Variants in PATJ observed in about 807,000 individuals in gnomAD.
PATJ encodes the protein PATJ crumbs cell polarity complex component, also known as inaD-like protein.
In PATJ, 190 loss-of-function variants were observed where a neutral mutation model predicts 224.9. That is an observed-to-expected ratio of 0.84 (90% CI 0.75 to 0.95). PATJ has a LOEUF of 0.95. Among genes scored for constraint, PATJ ranks in the 40% least tolerant of loss-of-function variants. The pLI is 0.00. For missense variants in PATJ, 2,121 were observed against 2,270.3 expected (o/e 0.93, Z 1.34); for synonymous variants, 769 against 820.3 (o/e 0.94, Z 1.07).
intron 37 of PATJ, among the ~76,000 whole-genome samples, chr1:62,120,624 A>T (rs1403005452): frequency 6.6e-6 from 1 of 152,190 alleles, no homozygotes; most frequent in Non-Finnish European, 1.5e-5. Context: ...ATTATTACTG[A>T]TTCTAGGAAA....
intron 29 of PATJ, among the ~76,000 whole-genome samples, chr1:62,022,553 A>G (rs1332075244): frequency 6.6e-6 from 1 of 152,326 alleles, no homozygotes; most frequent in Non-Finnish European, 1.5e-5. Flanking sequence ...GGAGAGCTGT[A>G]TTAACACAAC....
chr1:61,798,747 C>T (rs761787472), intron 11 of PATJ, among the ~76,000 whole-genome samples: 48 of 149,722 alleles, frequency 3.2e-4, no homozygotes, highest in Admixed American at 1.8e-3. Context: ...AAACATTAGC[C>T]GGGCCTGGTG....
At chr1:61,999,975 G>A (rs564716182) in intron 28 of PATJ, among the ~76,000 whole-genome samples, 8 of 152,020 alleles carry the variant, frequency 5.3e-5, no homozygotes, top group African/African-American at 1.9e-4. Context: ...CTGCCTCCCA[G>A]GTTCAAGCAA....
At chr1:61,746,028 C>T (rs1645006452) in intron 1 of PATJ, among the ~76,000 whole-genome samples, 1 of 152,060 alleles carries the variant, frequency 6.6e-6, no homozygotes, top group East Asian at 1.9e-4. Flanking sequence ...AACTTCACCT[C>T]CCTGGGTTCA....
intron 27 of PATJ, among the ~76,000 whole-genome samples, chr1:61,961,972 A>G (rs75312997): frequency 2.5e-3 from 111 of 44,390 alleles, no homozygotes; most frequent in African/African-American, 7.0e-3. Flanking sequence ...TCCGTCTTAG[A>G]AAAAAAAAAA....
chr1:62,157,701 G>A lies in PATJ; in HGVS notation c.5503-3207G>A, dbSNP rs555200259. 4.1e-5 allele frequency among the ~76,000 whole-genome samples: 6 copies of A among 147,998 alleles called. No individual in the cohort carries two copies. In the East Asian group the frequency reaches 1.2e-3, roughly 29 times the overall value. ...CAAAAATTAGCCGGGCATGGTGGCA[G>A]GTGCCTCCAATCCCAGCTACTCAGG... is the stretch of plus-strand genomic sequence containing the variant. On this transcript the variant is annotated intron_variant, in intron 43 of 43. Transcript: ENST00000642238.
chr1:61,909,956 T>C (rs2482856), intron 25 of PATJ, among the ~76,000 whole-genome samples: 115,072 of 152,130 alleles, frequency 0.76, 43,770 homozygotes, highest in East Asian at 1. Flanking sequence ...TTCTTAGCAC[T>C]ATGTTTACAT....
intron 27 of PATJ, among the ~76,000 whole-genome samples, chr1:61,964,675 A>G (rs1034713773): frequency 3.4e-4 from 52 of 151,614 alleles, no homozygotes; most frequent in Non-Finnish European, 4.4e-4. Flanking sequence ...TGTAGTCCTA[A>G]CTACTGGGGA....
intron 39 of PATJ, among the ~76,000 whole-genome samples, chr1:62,124,249 ATTTTTGTAT>A (rs1665440333): frequency 6.6e-6 from 1 of 151,896 alleles, no homozygotes; most frequent in African/African-American, 2.4e-5. Context: ...CGCCCGGCTA[ATTTTTGTAT>A]TTTTTGTAGA....
At chr1:62,094,653 CT>C (rs2148809590) in intron 33 of PATJ, among the ~76,000 whole-genome samples, 1 of 150,934 alleles carries the variant, frequency 6.6e-6, no homozygotes, top group East Asian at 2.0e-4. Context: ...AGTATTTAAT[CT>C]TTTTTATGTC....
Position 62,149,875 on chromosome 1 carries a change from T to C in PATJ, c.5378+1485T>C, listed in dbSNP as rs145055430. On this transcript the variant is annotated intron_variant, in intron 42 of 43. Transcript: ENST00000642238. ...CTAATTGGTTGAAAATGTTATGATA[T>C]TGTGAGATCAATAGAGGCAAATTCC... 5.3e-5 allele frequency among the ~76,000 whole-genome samples: 8 copies of C among 152,230 alleles called. No individual in the cohort carries two copies. The East Asian group carries it at 1.5e-3, about 29-fold the overall frequency.
intron 31 of PATJ, among the ~76,000 whole-genome samples, chr1:62,060,251 A>G (rs1655205955): frequency 6.6e-6 from 1 of 152,244 alleles, no homozygotes; most frequent in Non-Finnish European, 1.5e-5. Context: ...CTGAGGGACC[A>G]GAAGTTAATG....
At chr1:61,897,292 T>G (rs899352977) in intron 22 of PATJ, among the ~76,000 whole-genome samples, 1 of 152,198 alleles carries the variant, frequency 6.6e-6, no homozygotes, top group Non-Finnish European at 1.5e-5. Context: ...TGAAAACAGT[T>G]TACTTGAATT....
chr1:61,796,702 C>CTT (rs1362851084), intron 10 of PATJ, among the ~76,000 whole-genome samples: 2 of 75,168 alleles, frequency 2.7e-5, no homozygotes, highest in African/African-American at 1.1e-4. Flanking sequence ...TTCTTTCTTT[C>CTT]TTTCTTTCTT....
At chr1:62,034,184 T>G (rs912255503) in intron 29 of PATJ, among the ~76,000 whole-genome samples, 1 of 152,180 alleles carries the variant, frequency 6.6e-6, no homozygotes, top group Non-Finnish European at 1.5e-5. Context: ...GGCTCACACC[T>G]GTAATCCCAG....
chr1:62,138,494 A>G (rs1667174561), intron 41 of PATJ, among the ~76,000 whole-genome samples: 1 of 151,970 alleles, frequency 6.6e-6, no homozygotes, highest in Admixed American at 6.6e-5. Flanking sequence ...TTTTAGTAGG[A>G]AGGGGTTTCA....
At chr1:61,892,069 G>C (rs1353438212) in intron 22 of PATJ, among the ~76,000 whole-genome samples, 1 of 152,066 alleles carries the variant, frequency 6.6e-6, no homozygotes, top group East Asian at 1.9e-4. Flanking sequence ...TTATATACTG[G>C]TGTCAGGTAA....
intron 27 of PATJ, among the ~76,000 whole-genome samples, chr1:61,974,145 G>T: frequency 6.6e-6 from 1 of 151,884 alleles, no homozygotes; most frequent in African/African-American, 2.4e-5. Context: ...AGGCATAGTG[G>T]TACACTTCTG....
intron 30 of PATJ, among the ~76,000 whole-genome samples, chr1:62,042,008 TAAA>T (rs888392720): frequency 1.3e-5 from 2 of 150,702 alleles, no homozygotes; most frequent in Non-Finnish European, 3.0e-5. Flanking sequence ...AGTAAATAAA[TAAA>T]TAATAATAAT....
Sources: gnomAD v4.1 joint callset for allele counts (sites outside exome capture counted in the v4.1 genomes callset) on GRCh38, gnomAD v4.1.1 for gene constraint, MANE v1.5 for transcripts, NCBI Gene and HGNC (gene_info 2026-07-23, HGNC 2026-07-21) for gene names.